ALB: variants seen among roughly 807,000 people sequenced by gnomAD.
ALB encodes the protein albumin, also known as serum albumin.
ALB carries 37 observed loss-of-function variants against 74.5 expected under a neutral mutation model. That is an observed-to-expected ratio of 0.50 (90% CI 0.38 to 0.65). The LOEUF (loss-of-function observed/expected upper bound fraction) is 0.65. Among genes scored for constraint, ALB ranks in the 30% least tolerant of loss-of-function variants. The pLI is 0.00. For missense variants in ALB, 685 were observed against 718.7 expected, an observed-to-expected ratio of 0.95 and a Z score of 0.54; for synonymous variants, 249 against 251.6, an observed-to-expected ratio of 0.99 and a Z score of 0.10.
chr4:73,419,429 A>T, intron 12 of ALB, 78 bp from the exon 13 acceptor site: 12 of 1,478,874 alleles, frequency 8.1e-6, no homozygotes, highest in Non-Finnish European at 1.1e-5. Flanking sequence ...TGGGACTACC[A>T]TCCTTACTCT....
chr4:73,413,042 C>T (rs926930904), intron 7 of ALB, among the ~76,000 whole-genome samples: 3 of 152,102 alleles, frequency 2.0e-5, no homozygotes, highest in African/African-American at 4.8e-5. Context: ...ATGATCTTGA[C>T]TCATTTTTCA....
intron 6 of ALB, 25 bp downstream of exon 6, chr4:73,410,434 C>T (rs748033134): frequency 2.7e-6 from 4 of 1,492,422 alleles, no homozygotes; most frequent in South Asian, 1.1e-5. Context: ...ACATAGTTGG[C>T]ATCTTTATAA....
chr4:73,408,893 A>G, intron 4 of ALB, 88 bp downstream of exon 4: 1 of 1,179,948 alleles, frequency 8.5e-7, no homozygotes, highest in South Asian at 1.5e-5. Context: ...CATAACAAAA[A>G]TATTTTCAAC....
intron 6 of ALB, among the ~76,000 whole-genome samples, chr4:73,411,151 A>G (rs1422955658): frequency 6.6e-6 from 1 of 152,152 alleles, no homozygotes; most frequent in Non-Finnish European, 1.5e-5. Flanking sequence ...AAAATAATAG[A>G]CATTATGCAT....
chr4:73,406,598 A>G (rs1267168601), intron 2 of ALB, 31 bp from the exon 3 acceptor site: 2 of 1,610,828 alleles, frequency 1.2e-6, no homozygotes, highest in Admixed American at 1.7e-5. Context: ...AAGTTTTATT[A>G]TACTACATTT....
At chr4:73,409,199 G>C (rs1577936399) in intron 4 of ALB, 156 bp from the exon 5 acceptor site, 1 of 780,736 alleles carries the variant, frequency 1.3e-6, no homozygotes, top group Non-Finnish European at 2.1e-6. Context: ...CATACTTAAA[G>C]AATGACAGAG....
Position 73,413,393 on chromosome 4 carries a change from G to T in ALB, c.844-27G>T. On this transcript the variant is annotated intron_variant, in intron 7 of 14. Transcript: ENST00000295897. ...AAGTGTAGCAATGTCAATTCGTGTT[G>T]AACAATTTCCACCAACTTACTTATA... The T allele has an allele frequency of 1.9e-6, 3 of 1,588,058 alleles. No individual in the cohort carries two copies. The South Asian group carries it at 3.3e-5, about 18-fold the overall frequency.
chr4:73,415,608 A>T (rs148767126), intron 9 of ALB, among the ~76,000 whole-genome samples: 86 of 152,312 alleles, frequency 5.6e-4, no homozygotes, highest in African/African-American at 1.8e-3. Flanking sequence ...TAGTTTTACA[A>T]GAAATTAAGT....
chr4:73,406,178 G>A (rs1718722915), intron 2 of ALB, among the ~76,000 whole-genome samples: 1 of 152,144 alleles, frequency 6.6e-6, no homozygotes, highest in South Asian at 2.1e-4. Flanking sequence ...AGGATCGTTT[G>A]GACCTGAGAG....
At chr4:73,407,702 T>G (rs1204485441) in intron 3 of ALB, among the ~76,000 whole-genome samples, 1 of 152,226 alleles carries the variant, frequency 6.6e-6, no homozygotes, top group African/African-American at 2.4e-5. Flanking sequence ...ATTTTAGATA[T>G]CTTTGTATTT....
At position 73,404,364 on chromosome 4, in the gene ALB, T is replaced by G; in HGVS notation, c.37T>G (p.Phe13Val). The G allele has an allele frequency of 6.2e-7, 1 of 1,613,910 alleles. No homozygotes were observed. The highest frequency in any genetic ancestry group is 8.5e-7 in the Non-Finnish European group (1 of 1,179,858). Residue 13 changes from phenylalanine (F) to valine (V), a missense_variant, in exon 1 of 15, where the codon TTT becomes GTT. Coordinates refer to ENST00000295897, the MANE Select transcript of ALB (RefSeq NM_000477.7). The stretch of plus-strand genomic sequence containing the variant: ...AACCTTTATTTCCCTTCTTTTTCTC[T>G]TTAGCTCGGCTTATTCCAGGGGTGT... Reference protein sequence around the residue: ...WVTFISLLFLFSSAYSRGVFR... With the variant: ...WVTFISLLFLVSSAYSRGVFR...
intron 2 of ALB, among the ~76,000 whole-genome samples, chr4:73,405,685 G>C (rs1224004176): frequency 2.0e-5 from 3 of 151,914 alleles, no homozygotes; most frequent in African/African-American, 7.3e-5. Context: ...CCGCCTCCCG[G>C]GTTCACGCCA....
chr4:73,411,080 C>T (rs927861579), intron 6 of ALB, among the ~76,000 whole-genome samples: 6 of 152,080 alleles, frequency 3.9e-5, no homozygotes, highest in Admixed American at 3.3e-4. Flanking sequence ...ACTAGCTGCC[C>T]CGTCACCCAC....
At chr4:73,409,228 A>C in intron 4 of ALB, 127 bp from the exon 5 acceptor site, 1 of 1,011,734 alleles carries the variant, frequency 9.9e-7, no homozygotes, top group South Asian at 1.5e-5. Context: ...ATCATGTGCA[A>C]ATTGAGCTTA....
chr4:73,416,346 C>G lies in ALB; in HGVS notation c.1282C>G (p.Gln428Glu). The change falls in exon 10 of 15, where the codon CAG becomes GAG. Residue 428 changes from glutamine to glutamate, a missense_variant. Gln to Glu is a conservative substitution (Grantham distance 29). Transcript: ENST00000295897. Reference protein sequence around the residue: ...LFEQLGEYKFQNALLVRYTKK... With the variant: ...LFEQLGEYKFENALLVRYTKK... ...TGAGCAGCTTGGAGAGTACAAATTC[C>G]AGAATGCGTAAGTAATTTTTATTGA... The G allele has an allele frequency of 6.2e-7, 1 of 1,612,126 alleles. No homozygotes were observed. The highest frequency in any genetic ancestry group is 8.5e-7 in the Non-Finnish European group (1 of 1,178,834).
chr4:73,421,231 A>G lies in ALB; in HGVS notation c.*163A>G, dbSNP rs868258305. ...TTTTGCCTCTTTTCTCTGTGCTTCA[A>G]TTAATAAAAAATGGAAAGAATCTAA... is the stretch of plus-strand genomic sequence containing the variant. On this transcript the variant is annotated 3_prime_UTR_variant, in exon 15 of 15. Transcript: ENST00000295897. 13 of 606,158 alleles carry G rather than the reference A, an allele frequency of 2.1e-5. No individual in the cohort carries two copies. The Middle Eastern group carries it at 2.7e-3, about 127-fold the overall frequency. The allele number at this position is 606,158 out of a possible 1,614,324, so 37.5% of individuals were successfully genotyped here. A position where few individuals can be genotyped will look rare whatever the true frequency, so the allele number is the denominator to read the frequency against.
Position 73,413,649 on chromosome 4 carries a change from AATT to A in ALB, c.1058+19_1058+21del, listed in dbSNP as rs761093258. 25 of 1,612,798 alleles carry A rather than the reference AATT, an allele frequency of 1.6e-5. 1 individual carries two copies. The African/African-American group carries it at 2.8e-4, about 18-fold the overall frequency. On this transcript the variant is annotated intron_variant, in intron 8 of 14. Transcript: ENST00000295897. ...TTCCTGGGCATGTAAGTAGATAAGA[AATT>A]ATTCTTTTATAGCTTTGGCATGACC...
intron 1 of ALB, 60 bp from the exon 2 acceptor site, chr4:73,405,056 C>T: frequency 6.9e-7 from 1 of 1,443,566 alleles, no homozygotes; most frequent in East Asian, 2.3e-5. Context: ...TAAAAAGTAA[C>T]ATTATTACTT....
In ALB at chr4:73,406,773, C is replaced by G. The variant is rs777843094; in HGVS notation, c.270+12C>G. The G allele has an allele frequency of 3.1e-6, 5 of 1,613,264 alleles. No individual in the cohort carries two copies. Among genetic ancestry groups the G allele is most frequent in the South Asian group, 2.2e-5 (2 of 91,062 alleles). On this transcript the variant is annotated intron_variant, in intron 3 of 14. Coordinates refer to ENST00000295897, the MANE Select transcript of ALB (RefSeq NM_000477.7). ...GTGACAAATCACTTGTAAGTACATT[C>G]TAATTGTGGAGATTCTTTCTTCTGT...
Sources: gnomAD v4.1 joint callset for allele counts (sites outside exome capture counted in the v4.1 genomes callset) on GRCh38, gnomAD v4.1.1 for gene constraint, MANE v1.5 for transcripts, NCBI Gene and HGNC (gene_info 2026-07-23, HGNC 2026-07-21) for gene names.